The following CDH12 variants were observed in gnomAD, a reference collection of about 807,000 sequenced individuals.
CDH12 encodes the protein cadherin-12.
In CDH12, 41 loss-of-function variants were observed where a neutral mutation model predicts 74.1. The ratio of observed to expected loss-of-function variants is 0.55; its 90% CI spans 0.43 to 0.72. The LOEUF (loss-of-function observed/expected upper bound fraction) is 0.72, where lower values mean the gene tolerates loss of function less well. Among genes scored for constraint, CDH12 ranks in the 30% least tolerant of loss-of-function variants. The pLI, the probability that CDH12 is intolerant of heterozygous loss-of-function variation, is 0.00. For missense variants in CDH12, 945 were observed against 977.2 expected, an observed-to-expected ratio of 0.97 and a Z score of 0.44; for synonymous variants, 399 against 355.0, an observed-to-expected ratio of 1.12 and a Z score of -1.39.
chr5:22,111,833 A>T (rs1417620588), intron 4 of CDH12, among the ~76,000 whole-genome samples: 1 of 152,208 alleles, frequency 6.6e-6, no homozygotes, highest in Admixed American at 6.5e-5. Flanking sequence ...TTTGAAATGC[A>T]TGTATACATA....
intron 3 of CDH12, among the ~76,000 whole-genome samples, chr5:22,372,501 G>C (rs1033602720): frequency 7.9e-5 from 12 of 152,100 alleles, no homozygotes; most frequent in Non-Finnish European, 1.5e-4. Context: ...GGTGTTTGTT[G>C]TTCCAGAGGG....
intron 1 of CDH12, among the ~76,000 whole-genome samples, chr5:22,642,292 G>T (rs533490459): frequency 5.3e-5 from 8 of 152,202 alleles, no homozygotes; most frequent in Admixed American, 2.6e-4. Flanking sequence ...ATGTCCTTAG[G>T]CTACTAGAAT....
chr5:22,820,662 C>T (rs1290707219), intron 1 of CDH12, among the ~76,000 whole-genome samples: 2 of 152,172 alleles, frequency 1.3e-5, no homozygotes. Flanking sequence ...TCGACACATA[C>T]ATCCTCCCAA....
intron 10 of CDH12, among the ~76,000 whole-genome samples, chr5:21,786,378 T>A (rs1198317077): frequency 1.3e-5 from 2 of 152,032 alleles, no homozygotes; most frequent in Non-Finnish European, 2.9e-5. Context: ...AGTCTCAAAC[T>A]CAAGACCTCG....
At chr5:21,902,376 T>C (rs1480659175) in intron 6 of CDH12, among the ~76,000 whole-genome samples, 2 of 152,026 alleles carry the variant, frequency 1.3e-5, no homozygotes, top group Non-Finnish European at 2.9e-5. Context: ...CTTTCAGATC[T>C]TTGCTACTCT....
Position 22,158,078 on chromosome 5 carries a change from A to T in CDH12, c.-187+54420T>A, listed in dbSNP as rs1469016755. On this transcript the variant is annotated intron_variant, in intron 4 of 14. Coordinates refer to ENST00000382254, the MANE Select transcript of CDH12 (RefSeq NM_004061.5). ...CATATATAAAATAGAGGGAGAGTAC[A>T]ACTTTAAAGTGTTTTATATATCCAT... Among the ~76,000 whole-genome samples, 4 of 152,206 alleles carry T rather than the reference A, an allele frequency of 2.6e-5. No homozygotes were observed. The East Asian group carries it at 7.7e-4, about 29-fold the overall frequency.
rs1561128930 is a variant in CDH12, at chr5:22,117,482, A to ATATATATATTATG, written c.-186-38621_-186-38620insCATAATATATATA. 3.7e-3 allele frequency among the ~76,000 whole-genome samples: 180 copies of ATATATATATTATG among 48,026 alleles called. 2 individuals are homozygous for ATATATATATTATG. The highest frequency in any genetic ancestry group is 0.014 in the African/African-American group (171 of 12,016). 31.5% of individuals were successfully genotyped at this position (48,026 alleles called of 152,430 possible). ...ATTATATATATAATATATATATTATATATATATTATATATATATAATATAT... is the reference window on the plus strand; with the variant it reads ...ATTATATATATAATATATATATTATATATATATATTATGTATATATTATATATATATAATATAT... On this transcript the variant is annotated intron_variant, in intron 4 of 14. Transcript: ENST00000382254.
intron 1 of CDH12, among the ~76,000 whole-genome samples, chr5:22,777,703 T>C (rs574100010): frequency 7.2e-5 from 11 of 152,158 alleles, no homozygotes; most frequent in African/African-American, 2.6e-4. Context: ...CAAGGAAAGG[T>C]GTTCGTCATT....
chr5:21,834,821 T>C (rs975864881), intron 8 of CDH12, among the ~76,000 whole-genome samples: 2 of 152,006 alleles, frequency 1.3e-5, no homozygotes, highest in African/African-American at 4.8e-5. Flanking sequence ...ACACCATCCC[T>C]TCAACCTCAA....
chr5:22,417,512 G>A (rs1347762563), intron 2 of CDH12, among the ~76,000 whole-genome samples: 5 of 152,198 alleles, frequency 3.3e-5, no homozygotes, highest in Admixed American at 2.0e-4. Context: ...GAAGGCCCTC[G>A]CCAGATATGA....
At chr5:21,893,691 A>G (rs1197653791) in intron 6 of CDH12, among the ~76,000 whole-genome samples, 14 of 152,196 alleles carry the variant, frequency 9.2e-5, no homozygotes, top group African/African-American at 3.4e-4. Flanking sequence ...GGTGAAATAT[A>G]TTTTCTTATC....
At chr5:22,195,160 C>A (rs767464693) in intron 4 of CDH12, among the ~76,000 whole-genome samples, 1 of 152,150 alleles carries the variant, frequency 6.6e-6, no homozygotes, top group Admixed American at 6.6e-5. Context: ...GATTTGAGAC[C>A]AAGGTCGTAG....
intron 2 of CDH12, among the ~76,000 whole-genome samples, chr5:22,487,707 A>C (rs1746670102): frequency 1.3e-5 from 2 of 152,196 alleles, no homozygotes; most frequent in Non-Finnish European, 2.9e-5. Context: ...AATCAGTACA[A>C]AATTGAAGAA....
chr5:21,847,427 G>T (rs557083258), intron 7 of CDH12, among the ~76,000 whole-genome samples: 13 of 152,182 alleles, frequency 8.5e-5, no homozygotes, highest in African/African-American at 2.9e-4. Flanking sequence ...AATTCTGGAT[G>T]TAAGGAGGCC....
chr5:21,995,381 G>A (rs908795797), intron 5 of CDH12, among the ~76,000 whole-genome samples: 1 of 151,760 alleles, frequency 6.6e-6, no homozygotes, highest in African/African-American at 2.4e-5. Context: ...ACTTCCTACT[G>A]ATGCGTCAGG....
At chr5:22,331,238 C>T (rs1343788416) in intron 3 of CDH12, among the ~76,000 whole-genome samples, 1 of 152,124 alleles carries the variant, frequency 6.6e-6, no homozygotes, top group Admixed American at 6.5e-5. Flanking sequence ...GGGAGCTTGC[C>T]ATTCTAAAGG....
intron 6 of CDH12, among the ~76,000 whole-genome samples, chr5:21,875,003 C>A (rs1263793014): frequency 6.6e-6 from 1 of 152,140 alleles, no homozygotes; most frequent in East Asian, 1.9e-4. Flanking sequence ...AGAACAAGAA[C>A]CCCTAGTAAC....
At chr5:22,024,008 T>C (rs537653061) in intron 5 of CDH12, among the ~76,000 whole-genome samples, 1 of 151,974 alleles carries the variant, frequency 6.6e-6, no homozygotes, top group Admixed American at 6.6e-5. Flanking sequence ...GTGCTGGGAG[T>C]TGGGTGAGGG....
intron 3 of CDH12, among the ~76,000 whole-genome samples, chr5:22,261,028 A>C (rs1255316116): frequency 5.3e-5 from 8 of 150,882 alleles, no homozygotes; most frequent in Non-Finnish European, 1.5e-5. Context: ...GTATATATAC[A>C]TACTACCTAA....
Sources: allele counts gnomAD v4.1 joint callset (sites outside exome capture counted in the v4.1 genomes callset), GRCh38; gene constraint gnomAD v4.1.1; transcripts MANE v1.5; gene names NCBI Gene and HGNC (gene_info 2026-07-23, HGNC 2026-07-21).